Variants in HPSE2 observed in about 807,000 individuals in gnomAD.
The protein encoded by HPSE2 is heparanase 2 (inactive).
HPSE2 carries 38 observed loss-of-function variants against 60.5 expected under a neutral mutation model. The ratio of observed to expected loss-of-function variants is 0.63; its 90% confidence interval spans 0.48 to 0.82. The LOEUF (loss-of-function observed/expected upper bound fraction) is 0.82. HPSE2 is among the 40% of genes least tolerant of loss of function. The pLI, the probability that HPSE2 is intolerant of heterozygous loss-of-function variation, is 0.00. For missense variants in HPSE2, 713 were observed against 740.4 expected, an observed-to-expected ratio of 0.96 and a Z score of 0.43; for synonymous variants, 295 against 293.2, an observed-to-expected ratio of 1.01 and a Z score of -0.06.
At chr10:98,624,365 A>C (rs1946151949) in intron 7 of HPSE2, among the ~76,000 whole-genome samples, 1 of 152,168 alleles carries the variant, frequency 6.6e-6, no homozygotes, top group Admixed American at 6.5e-5. Flanking sequence ...TAATGGATCT[A>C]GAAGAACCGC....
chr10:98,489,967 T>G, intron 10 of HPSE2, 84 bp downstream of exon 10: 2 of 1,516,008 alleles, frequency 1.3e-6, no homozygotes, highest in Non-Finnish European at 1.8e-6. Context: ...GATTAGTGAA[T>G]GGAGATGAGT....
intron 3 of HPSE2, among the ~76,000 whole-genome samples, chr10:99,096,232 C>T (rs1347933615): frequency 6.6e-6 from 1 of 152,170 alleles, no homozygotes; most frequent in Admixed American, 6.5e-5. Context: ...AGCTGCATAA[C>T]ATTCCACTGA....
intron 3 of HPSE2, among the ~76,000 whole-genome samples, chr10:98,907,370 A>C (rs568752906): frequency 6.6e-6 from 1 of 152,336 alleles, no homozygotes; most frequent in South Asian, 2.1e-4. Context: ...GTGCAGCAGC[A>C]TGTGCCTATA....
At chr10:98,808,286 T>C (rs1951088332) in intron 3 of HPSE2, among the ~76,000 whole-genome samples, 1 of 152,152 alleles carries the variant, frequency 6.6e-6, no homozygotes, top group Non-Finnish European at 1.5e-5. Flanking sequence ...CCATCACTCC[T>C]GTGTCAGACT....
the HPSE2 span, among the ~76,000 whole-genome samples, chr10:99,285,912 A>C: frequency 6.6e-6 from 1 of 152,138 alleles, no homozygotes; most frequent in African/African-American, 2.4e-5. Flanking sequence ...GGAATAGAGC[A>C]AGACCCTGTC....
At chr10:98,808,822 C>T (rs1430914710) in intron 3 of HPSE2, among the ~76,000 whole-genome samples, 4 of 152,082 alleles carry the variant, frequency 2.6e-5, no homozygotes, top group African/African-American at 7.2e-5. Flanking sequence ...CATAAAGTTC[C>T]AGTCTTGATA....
chr10:98,601,034 T>C lies in HPSE2; in HGVS notation c.1320+13870A>G, dbSNP rs113408444. Among the ~76,000 whole-genome samples, 636 of 150,422 alleles carry C rather than the reference T, an allele frequency of 4.2e-3. 3 individuals carry two copies. Among genetic ancestry groups the C allele is most frequent in the African/African-American group, 0.015 (613 of 40,934 alleles). On this transcript the variant is annotated intron_variant, in intron 9 of 11. Coordinates refer to ENST00000370552, the MANE Select transcript of HPSE2 (RefSeq NM_021828.5). ...TCAGGTAATTATGGATGCTGGGAAG[T>C]CCAAAATCTGTAGGGTAGGCTGCTG...
intron 2 of HPSE2, among the ~76,000 whole-genome samples, chr10:99,159,619 A>T (rs1846739865): frequency 6.6e-6 from 1 of 152,170 alleles, no homozygotes; most frequent in Non-Finnish European, 1.5e-5. Context: ...TTTTTAAAGA[A>T]TTTAGACCCT....
intron 3 of HPSE2, among the ~76,000 whole-genome samples, chr10:98,761,618 T>C (rs1403142134): frequency 1.3e-5 from 2 of 152,202 alleles, no homozygotes; most frequent in African/African-American, 4.8e-5. Context: ...TGACTGCCAT[T>C]GTCAACCAAT....
At chr10:99,213,881 T>C (rs891047505) in intron 2 of HPSE2, among the ~76,000 whole-genome samples, 1 of 152,156 alleles carries the variant, frequency 6.6e-6, no homozygotes, top group Non-Finnish European at 1.5e-5. Flanking sequence ...TTAAAAAACA[T>C]TTGTTCTTGA....
intron 3 of HPSE2, among the ~76,000 whole-genome samples, chr10:98,898,224 T>C (rs751971103): frequency 4.6e-5 from 7 of 152,158 alleles, no homozygotes; most frequent in Non-Finnish European, 1.0e-4. Flanking sequence ...ATCACACTCA[T>C]AGATATTCAC....
chr10:98,635,672 C>T (rs2134020958), intron 7 of HPSE2, among the ~76,000 whole-genome samples: 1 of 151,420 alleles, frequency 6.6e-6, no homozygotes. Flanking sequence ...GTTTCAGCTA[C>T]TTGGGAGGCT....
chr10:98,823,559 A>G (rs1201605499), intron 3 of HPSE2, among the ~76,000 whole-genome samples: 1 of 152,154 alleles, frequency 6.6e-6, no homozygotes, highest in Admixed American at 6.5e-5. Context: ...CCAGGAGTTC[A>G]AGGATGCAGT....
At chr10:98,611,515 T>C (rs936913755) in intron 9 of HPSE2, among the ~76,000 whole-genome samples, 2 of 152,212 alleles carry the variant, frequency 1.3e-5, no homozygotes, top group African/African-American at 4.8e-5. Context: ...CAAACTCTCT[T>C]GAAGATTTAA....
intron 3 of HPSE2, among the ~76,000 whole-genome samples, chr10:99,006,222 A>G (rs1252041869): frequency 6.6e-6 from 1 of 152,044 alleles, no homozygotes; most frequent in Non-Finnish European, 1.5e-5. Flanking sequence ...GATGGGACAC[A>G]AGGGTGAGCC....
At chr10:98,715,376 A>G (rs992891380) in intron 5 of HPSE2, among the ~76,000 whole-genome samples, 11 of 152,000 alleles carry the variant, frequency 7.2e-5, no homozygotes, top group Non-Finnish European at 1.3e-4. Flanking sequence ...ATATATTTCT[A>G]TATCATTATA....
chr10:99,105,239 C>G (rs1844195719), intron 3 of HPSE2, among the ~76,000 whole-genome samples: 1 of 152,034 alleles, frequency 6.6e-6, no homozygotes, highest in South Asian at 2.1e-4. Context: ...ATGTGTCTGT[C>G]TTTTCCAACC....
intron 3 of HPSE2, among the ~76,000 whole-genome samples, chr10:99,097,487 G>A (rs369556919): frequency 5.1e-4 from 78 of 152,040 alleles, no homozygotes; most frequent in African/African-American, 1.5e-3. Context: ...CTTTCTTTTC[G>A]CAGTAAACTC....
chr10:98,731,023 G>A lies in HPSE2; in HGVS notation c.785-9195C>T, dbSNP rs1311508094. Among the ~76,000 whole-genome samples, 9 of 152,180 alleles carry A rather than the reference G, an allele frequency of 5.9e-5. No individual in the cohort carries two copies. In the South Asian group the frequency reaches 1.7e-3, roughly 28 times the overall value. The stretch of plus-strand genomic sequence containing the variant: ...CTAGAGGCTGGGTGCAGTGGCTCAC[G>A]CCTATAATCCCAACACTTTGGGAGG... On this transcript the variant is annotated intron_variant, in intron 4 of 11. Coordinates refer to ENST00000370552, the MANE Select transcript of HPSE2 (RefSeq NM_021828.5).
Sources: gnomAD v4.1 joint callset for allele counts (sites outside exome capture counted in the v4.1 genomes callset) on GRCh38, gnomAD v4.1.1 for gene constraint, MANE v1.5 for transcripts, NCBI Gene and HGNC (gene_info 2026-07-23, HGNC 2026-07-21) for gene names.